The following SARDH variants were observed in gnomAD, a reference collection of about 807,000 sequenced individuals.
SARDH encodes sarcosine dehydrogenase.
In SARDH, 95 loss-of-function variants were observed where a neutral mutation model predicts 109.1. The ratio of observed to expected loss-of-function variants is 0.87; its 90% confidence interval spans 0.74 to 1.03. The LOEUF (loss-of-function observed/expected upper bound fraction) is 1.03, where lower values mean the gene tolerates loss of function less well. SARDH is among the 50% of genes least tolerant of loss of function. The pLI is 0.00. For missense variants in SARDH, 1,267 were observed against 1,287.8 expected (o/e 0.98, Z 0.25); for synonymous variants, 572 against 534.8 (o/e 1.07, Z -0.96).
chr9:133,662,550 G>A (rs572459700), downstream of SARDH, among the ~76,000 whole-genome samples: 11 of 152,168 alleles, frequency 7.2e-5, no homozygotes, highest in African/African-American at 2.2e-4. This position sits in a 1 kb window ranked among gnomAD's most constrained non-coding sequence, Gnocchi z 5.1. Flanking sequence ...GTCTCCAGCC[G>A]CAGCCCCCTC....
At chr9:133,725,601 G>A (rs376547413) in intron 6 of SARDH, 131 of 388,902 alleles carry the variant, frequency 3.4e-4, no homozygotes, top group African/African-American at 2.3e-3. Context: ...GCTTGAACCC[G>A]GGAGGCGGAG....
chr9:133,715,131 G>A (rs1167740120), intron 8 of SARDH, among the ~76,000 whole-genome samples: 2 of 152,086 alleles, frequency 1.3e-5, no homozygotes, highest in South Asian at 2.1e-4. Context: ...CCTAAGTCAC[G>A]GGGGCCTGGG....
upstream of SARDH, among the ~76,000 whole-genome samples, chr9:133,738,552 A>G (rs1401755470): frequency 1.3e-5 from 2 of 151,990 alleles, no homozygotes; most frequent in Non-Finnish European, 2.9e-5. Flanking sequence ...CCTGGCAGTC[A>G]CCCTTCCGCT....
At chr9:133,734,563 C>T (rs1832818349) in intron 1 of SARDH, among the ~76,000 whole-genome samples, 1 of 152,174 alleles carries the variant, frequency 6.6e-6, no homozygotes, top group Non-Finnish European at 1.5e-5. Flanking sequence ...AGGTCTCTGC[C>T]AGCCCACAGA....
chr9:133,696,806 C>T (rs936819932), intron 13 of SARDH, among the ~76,000 whole-genome samples: 6 of 152,074 alleles, frequency 3.9e-5, no homozygotes, highest in Non-Finnish European at 7.4e-5. Flanking sequence ...AACACACAAC[C>T]ACTTATGAGA....
In SARDH at chr9:133,686,079, G is replaced by A. The variant is rs1250575390; in HGVS notation, c.2070-793C>T. 6.6e-6 allele frequency among the ~76,000 whole-genome samples: 1 copy of A among 152,162 alleles called. No homozygotes were observed. The highest frequency in any genetic ancestry group is 2.4e-5 in the African/African-American group (1 of 41,424). On this transcript the variant is annotated intron_variant, in intron 16 of 20. Coordinates refer to ENST00000439388, the MANE Select transcript of SARDH (RefSeq NM_001134707.2). The surrounding 1 kb of genome is among the most constrained non-coding windows in gnomAD (Gnocchi z 4.0). ...CTGCACCTGAGTGCCACAGTGCTAT[G>A]AGGGCCCGGGAATGTTCCTGAGCAC...
chr9:133,732,536 C>T lies in SARDH; in HGVS notation c.397G>A (p.Val133Met). 19 of 1,613,898 alleles carry T rather than the reference C, an allele frequency of 1.2e-5. No individual in the cohort carries two copies. Among genetic ancestry groups the T allele is most frequent in the Non-Finnish European group, 1.6e-5 (19 of 1,179,906 alleles). Residue 133 changes from valine (V) to methionine (M), a missense_variant, in exon 3 of 21, where the codon GTG (valine) becomes ATG (methionine). Val to Met is a conservative substitution (Grantham distance 21, BLOSUM62 1). Coordinates refer to ENST00000439388, the MANE Select transcript of SARDH (RefSeq NM_001134707.2). ...GTCTCCTCCTCCAGCTCCCGGCTCA[C>T]CACCCGCCGAGTGTGGGCCAGAAGC... ...VELLAHTRRV[V>M]SRELEEETGL...
Position 133,732,418 on chromosome 9 carries a change from C to T in SARDH, c.510+5G>A, listed in dbSNP as rs1832719760. 1.9e-6 allele frequency: 3 copies of T among 1,583,954 alleles called. No individual in the cohort carries two copies. The highest frequency in any genetic ancestry group is 4.7e-5 in the East Asian group (2 of 42,398). On this transcript the variant is annotated splice_donor_5th_base_variant and intron_variant, in intron 3 of 20. Transcript: ENST00000439388. ...CCTCCTTGCCCCCCGCAGGGGAGCACACACCGACATGAGCCTCTTGTACTC... is the reference window on the plus strand; with the variant it reads ...CCTCCTTGCCCCCCGCAGGGGAGCATACACCGACATGAGCCTCTTGTACTC...
Position 133,712,658 on chromosome 9 carries a change from T to C in SARDH, c.1289A>G (p.His430Arg), listed in dbSNP as rs947096497. Residue 430 changes from histidine to arginine, a missense_variant, in exon 10 of 21, where the codon CAT becomes CGT. Transcript: ENST00000439388. The surrounding 1 kb of genome is among the most constrained non-coding windows in gnomAD (Gnocchi z 4.1). ...ATGCATGTCCTTCTCCGGGCGCCCA[T>C]GGATGATCCAGTGGGCCAGCTCCTG... Reference protein sequence around the residue: ...CGQELAHWIIHGRPEKDMHGY... With the variant: ...CGQELAHWIIRGRPEKDMHGY... 4.3e-6 allele frequency: 7 copies of C among 1,610,362 alleles called. No homozygotes were observed. The highest frequency in any genetic ancestry group is 5.9e-6 in the Non-Finnish European group (7 of 1,179,960).
rs375420803 is a variant in SARDH, at chr9:133,728,185, G to A, written c.915+1580C>T. On this transcript the variant is annotated intron_variant, in intron 6 of 20. Coordinates refer to ENST00000439388, the MANE Select transcript of SARDH (RefSeq NM_001134707.2). This position sits in a 1 kb window ranked among gnomAD's most constrained non-coding sequence, Gnocchi z 5.0. Reference sequence around the variant, plus strand: ...GAACAAGAGGTCTTGTGTCCAGTGGGGCGTGGCTTGCCCAGCGCACAGGAG... The same window carrying A: ...GAACAAGAGGTCTTGTGTCCAGTGGAGCGTGGCTTGCCCAGCGCACAGGAG... Among the ~76,000 whole-genome samples, 3 of 152,308 alleles carry A rather than the reference G, an allele frequency of 2.0e-5. No homozygotes were observed. Among genetic ancestry groups the A allele is most frequent in the East Asian group, 3.9e-4 (2 of 5,186 alleles).
Position 133,731,309 on chromosome 9 carries a change from GC to G in SARDH, c.685del (p.Ala229HisfsTer9). 6.2e-7 allele frequency: 1 copy of G among 1,614,098 alleles called. No homozygotes were observed. The highest frequency in any genetic ancestry group is 1.3e-5 in the African/African-American group (1 of 75,048). On this transcript the variant is annotated frameshift_variant, in exon 4 of 21. Coordinates refer to ENST00000439388, the MANE Select transcript of SARDH (RefSeq NM_001134707.2). LOFTEE classifies it high-confidence loss of function. ...TLARAASARG[A>X]QVIENCPVTG... ...GAGCCAGGCGGCCATCAGTACCTGT[GC>G]TCCTCGGGCAGAAGCTGCCCTGGCG...
At chr9:133,727,085 C>G (rs552844162) in intron 6 of SARDH, among the ~76,000 whole-genome samples, 1 of 152,308 alleles carries the variant, frequency 6.6e-6, no homozygotes, top group East Asian at 1.9e-4. Context: ...CCGCTCCTTG[C>G]CACTGCAAAA....
rs1831955155 is a variant in SARDH, at chr9:133,712,421, A to G, written c.1328+198T>C. ...GGACAAGAGATCTTCAAAGCTGTAA[A>G]GGGGCGTGGACCTGCCCCCCAGCCA... On this transcript the variant is annotated intron_variant, in intron 10 of 20. Transcript: ENST00000439388. The surrounding 1 kb of genome is among the most constrained non-coding windows in gnomAD (Gnocchi z 4.1). Among the ~76,000 whole-genome samples the G allele has an allele frequency of 6.6e-6, 1 of 152,026 alleles. No homozygotes were observed. Among genetic ancestry groups the G allele is most frequent in the Non-Finnish European group, 1.5e-5 (1 of 68,000 alleles).
chr9:133,717,347 T>G lies in SARDH; in HGVS notation c.1129A>C (p.Lys377Gln). ...TCACCAGGGCCGCAGACCGTGGACTTGATTCCTGTCTTCTCCAGCACGGGG... is the reference window on the plus strand; with the variant it reads ...TCACCAGGGCCGCAGACCGTGGACTGGATTCCTGTCTTCTCCAGCACGGGG... Reference protein sequence around the residue: ...RVPVLEKTGIKSTVCGPESFT... With the variant: ...RVPVLEKTGIQSTVCGPESFT... Residue 377 changes from lysine (K) to glutamine (Q), a missense_variant, in exon 8 of 21, where the codon AAG (lysine) becomes CAG (glutamine). Coordinates refer to ENST00000439388, the MANE Select transcript of SARDH (RefSeq NM_001134707.2). 1 of 1,614,126 alleles carries G rather than the reference T, an allele frequency of 6.2e-7. No homozygotes were observed. Among genetic ancestry groups the G allele is most frequent in the South Asian group, 1.1e-5 (1 of 91,080 alleles).
Position 133,732,987 on chromosome 9 carries a change from A to G in SARDH, c.332-386T>C, listed in dbSNP as rs2520001. Among the ~76,000 whole-genome samples, 1,056 of 152,310 alleles carry G rather than the reference A, an allele frequency of 6.9e-3. 5 individuals carry two copies. The highest frequency in any genetic ancestry group is 0.011 in the Non-Finnish European group (751 of 68,028). ...GCAGGTGAGTGGAGGGGGCGCCGAG[A>G]CACCAACCCACTACTGAATGAAGCT... On this transcript the variant is annotated intron_variant, in intron 2 of 20. Transcript: ENST00000439388.
chr9:133,702,952 G>A lies in SARDH; in HGVS notation c.1632C>T (p.Asp544=), dbSNP rs577057317. The A allele has an allele frequency of 1.9e-6, 3 of 1,613,036 alleles. No homozygotes were observed. The highest frequency in any genetic ancestry group is 1.7e-5 in the Admixed American group (1 of 60,002). ...GGGGCGGGAAGGCGAAGGTGTACTCGTCTGCCAGCAGCCTGCGGTAGGCGT... is the reference window on the plus strand; with the variant it reads ...GGGGCGGGAAGGCGAAGGTGTACTCATCTGCCAGCAGCCTGCGGTAGGCGT... The part of the protein sequence containing the change: ...EDYAYRRLLA[D]EYTFAFPPHH... Residue 544 remains aspartate, a synonymous_variant, in exon 13 of 21, where the codon GAC becomes GAT. Transcript: ENST00000439388.
chr9:133,714,353 G>A (rs1832042190), intron 8 of SARDH, among the ~76,000 whole-genome samples: 3 of 152,218 alleles, frequency 2.0e-5, no homozygotes, highest in South Asian at 4.1e-4. Flanking sequence ...GCAGGGGAGG[G>A]TGGAGGAGGC....
Position 133,729,783 on chromosome 9 carries a change from C to G in SARDH, c.897G>C (p.Glu299Asp), listed in dbSNP as rs141160856. ...VAMHHAYVVT[E>D]RIEGIQNMPN... is the part of the protein sequence containing the mutation. ...CACCTACCTGAATCCCCTCGATGCG[C>G]TCGGTGACGACATAGGCATGGTGCA... is the stretch of plus-strand genomic sequence containing the variant. The change falls in exon 6 of 21, where the codon GAG becomes GAC. Residue 299 changes from glutamate to aspartate, a missense_variant. Glu to Asp is a conservative substitution (Grantham distance 45, BLOSUM62 2). Transcript: ENST00000439388. 66 of 1,612,984 alleles carry G rather than the reference C, an allele frequency of 4.1e-5. No individual in the cohort carries two copies. The African/African-American group carries it at 8.0e-4, about 20-fold the overall frequency.
At chr9:133,691,904 CCCA>C (rs1280676614) in intron 15 of SARDH, among the ~76,000 whole-genome samples, 2 of 152,190 alleles carry the variant, frequency 1.3e-5, no homozygotes, top group South Asian at 2.1e-4. Context: ...TAACTCCACA[CCCA>C]CCAAGTGCAA....
Sources: gnomAD v4.1 joint callset for allele counts (sites outside exome capture counted in the v4.1 genomes callset) on GRCh38, gnomAD v4.1.1 for gene constraint, Gnocchi (gnomAD v3.1) non-coding constraint, MANE v1.5 for transcripts, NCBI Gene and HGNC (gene_info 2026-07-23, HGNC 2026-07-21) for gene names.